Variants in CREB5 observed in about 807,000 individuals in gnomAD.
CREB5 encodes cAMP responsive element binding protein 5, also known as cyclic AMP-responsive element-binding protein 5.
CREB5 carries 19 observed loss-of-function variants against 57.1 expected under a neutral mutation model. The observed-to-expected ratio is 0.33, with a 90% CI of 0.23 to 0.49. CREB5 has a LOEUF of 0.49. Ranked by LOEUF, CREB5 falls within the 20% of genes least tolerant of loss-of-function variation. The probability of loss-of-function intolerance (pLI) is 0.99; values close to 1 mark genes in which losing one functional copy is unlikely to be tolerated. For synonymous variants in CREB5, 238 were observed against 238.3 expected (o/e 1.00, Z 0.01); for missense variants, 579 against 671.6 (o/e 0.86, Z 1.52).
chr7:28,582,523 C>A (rs1796159174), intron 5 of CREB5, among the ~76,000 whole-genome samples: 1 of 152,086 alleles, frequency 6.6e-6, no homozygotes, highest in Non-Finnish European at 1.5e-5. Context: ...CCATGAAAAG[C>A]ATTTGATCCT....
chr7:28,799,695 A>C (rs1168280927), intron 7 of CREB5, among the ~76,000 whole-genome samples: 1 of 152,210 alleles, frequency 6.6e-6, no homozygotes, highest in East Asian at 1.9e-4. Flanking sequence ...GTTTTCAAGG[A>C]AAATACATCA....
intron 5 of CREB5, among the ~76,000 whole-genome samples, chr7:28,716,118 TTTAA>T (rs1802671332): frequency 6.6e-6 from 1 of 152,186 alleles, no homozygotes; most frequent in East Asian, 1.9e-4. Flanking sequence ...CATTAAGTTG[TTTAA>T]TTAATTTTTT....
At chr7:28,437,713 T>A (rs1479957939) in intron 1 of CREB5, among the ~76,000 whole-genome samples, 1 of 152,186 alleles carries the variant, frequency 6.6e-6, no homozygotes, top group Non-Finnish European at 1.5e-5. Flanking sequence ...GAATTAGAAC[T>A]ACAGCTATTA....
intron 5 of CREB5, among the ~76,000 whole-genome samples, chr7:28,674,963 A>G (rs969270107): frequency 1.3e-5 from 2 of 151,682 alleles, no homozygotes; most frequent in Admixed American, 6.6e-5. Flanking sequence ...CTTCCCTCCA[A>G]GGTCTTCTTT....
In CREB5 at chr7:28,484,752, G is replaced by A. The variant is rs1381441000; in HGVS notation, c.4-3423G>A. Among the ~76,000 whole-genome samples the A allele has an allele frequency of 2.6e-5, 4 of 152,178 alleles. No homozygotes were observed. In the East Asian group the frequency reaches 5.8e-4, roughly 22 times the overall value. On this transcript the variant is annotated intron_variant, in intron 1 of 10. Coordinates refer to ENST00000357727, the MANE Select transcript of CREB5 (RefSeq NM_182898.4). ...GAACCTATCAATGACTAAACTCTAAGTGATTTGAGGACAGACTGTATTTCT... is the reference window on the plus strand; with the variant it reads ...GAACCTATCAATGACTAAACTCTAAATGATTTGAGGACAGACTGTATTTCT...
At chr7:28,570,294 C>G in intron 4 of CREB5, 71 bp from the exon 5 acceptor site, 3 of 1,519,270 alleles carry the variant, frequency 2.0e-6, no homozygotes, top group Admixed American at 2.0e-5. Context: ...CAGTTTTGGC[C>G]TTTGAGAGCT....
chr7:28,531,817 T>G, intron 4 of CREB5, among the ~76,000 whole-genome samples: 1 of 151,772 alleles, frequency 6.6e-6, no homozygotes, highest in Non-Finnish European at 1.5e-5. Flanking sequence ...GATCACGAGG[T>G]CAGGAGATCG....
At chr7:28,621,110 C>G (rs111842034) in intron 5 of CREB5, among the ~76,000 whole-genome samples, 2 of 150,368 alleles carry the variant, frequency 1.3e-5, no homozygotes, top group South Asian at 2.1e-4. Context: ...TGCAGTGAGA[C>G]GAGGACAGCC....
intron 5 of CREB5, among the ~76,000 whole-genome samples, chr7:28,593,317 C>T (rs990395883): frequency 3.9e-5 from 6 of 152,126 alleles, no homozygotes; most frequent in Admixed American, 2.6e-4. Flanking sequence ...GGCATGATCT[C>T]GGCTCACTAT....
chr7:28,417,116 C>A (rs572499645), intron 1 of CREB5, among the ~76,000 whole-genome samples: 14 of 152,244 alleles, frequency 9.2e-5, no homozygotes, highest in African/African-American at 2.9e-4. Flanking sequence ...TCAGTTTCTT[C>A]ATTTGTGATG....
intron 1 of CREB5, among the ~76,000 whole-genome samples, chr7:28,420,858 A>G (rs1271889611): frequency 6.6e-6 from 1 of 151,526 alleles, no homozygotes; most frequent in Non-Finnish European, 1.5e-5. Context: ...TATGTTATAT[A>G]TATTTTACCA....
At chr7:28,622,257 TCTCACACACACA>T (rs1362411307) in intron 5 of CREB5, among the ~76,000 whole-genome samples, 3 of 139,222 alleles carry the variant, frequency 2.2e-5, no homozygotes, top group East Asian at 2.6e-4. Context: ...TCTCTCTCTC[TCTCACACACACA>T]CACACACACA....
chr7:28,599,754 G>GTTTTGTTTTGTTTTGTTTTGTTTTGT (rs3041154), intron 5 of CREB5, among the ~76,000 whole-genome samples: 2 of 148,790 alleles, frequency 1.3e-5, no homozygotes, highest in African/African-American at 5.0e-5. Flanking sequence ...GTTTTGTTTT[G>GTTTTGTTTTGTTTTGTTTTGTTTTGT]TTTTTTTATT....
intron 7 of CREB5, among the ~76,000 whole-genome samples, chr7:28,776,210 C>T (rs1448962170): frequency 1.3e-5 from 2 of 152,008 alleles, no homozygotes; most frequent in South Asian, 2.1e-4. Flanking sequence ...TGGTGGCGGG[C>T]GCCTGTAGTC....
intron 5 of CREB5, 132 bp from the exon 6 acceptor site, chr7:28,718,621 A>G: frequency 1.6e-6 from 2 of 1,244,666 alleles, no homozygotes; most frequent in Non-Finnish European, 2.2e-6. Context: ...AATATCCTCA[A>G]TTATGTGACT....
chr7:28,351,709 T>G (rs1365127574), intron 1 of CREB5, among the ~76,000 whole-genome samples: 4 of 152,206 alleles, frequency 2.6e-5, no homozygotes, highest in African/African-American at 9.7e-5. Flanking sequence ...CCTATGCACT[T>G]TCAAGCATTA....
chr7:28,326,205 CTATCTACCTAT>C (rs1562657918), intron 1 of CREB5, among the ~76,000 whole-genome samples: 27 of 124,054 alleles, frequency 2.2e-4, no homozygotes, highest in African/African-American at 3.5e-4. Context: ...ATCTATCTAT[CTATCTACCTAT>C]CTATCTTGAA....
chr7:28,369,974 AC>A (rs1215886083), intron 1 of CREB5, among the ~76,000 whole-genome samples: 1 of 152,094 alleles, frequency 6.6e-6, no homozygotes, highest in Non-Finnish European at 1.5e-5. Context: ...CCACTAGAAA[AC>A]CCTAGCAGCT....
At chr7:28,702,298 A>G (rs1801901913) in intron 5 of CREB5, among the ~76,000 whole-genome samples, 2 of 152,250 alleles carry the variant, frequency 1.3e-5, no homozygotes, top group African/African-American at 4.8e-5. Flanking sequence ...AATGGAAAGC[A>G]CTTAACTTTC....
Sources: allele counts gnomAD v4.1 joint callset (sites outside exome capture counted in the v4.1 genomes callset), GRCh38; gene constraint gnomAD v4.1.1; transcripts MANE v1.5; gene names NCBI Gene and HGNC (gene_info 2026-07-23, HGNC 2026-07-21).